The following KDM4B variants were observed in gnomAD, a reference collection of about 807,000 sequenced individuals.
KDM4B encodes lysine-specific demethylase 4B.
A neutral mutation model predicts 125.2 loss-of-function variants in KDM4B; 32 were observed. The observed-to-expected ratio is 0.26, with a 90% CI of 0.19 to 0.34. The LOEUF is 0.34. Ranked by LOEUF, KDM4B falls within the 10% of genes least tolerant of loss-of-function variation. The probability of loss-of-function intolerance (pLI) is 1.00; values close to 1 mark genes in which losing one functional copy is unlikely to be tolerated. For missense variants in KDM4B, 1,190 were observed against 1,577.7 expected (o/e 0.75, Z 4.16); for synonymous variants, 721 against 677.9 (o/e 1.06, Z -0.99).
At chr19:5,037,030 G>T (rs576243183) in intron 3 of KDM4B, among the ~76,000 whole-genome samples, 5 of 152,256 alleles carry the variant, frequency 3.3e-5, no homozygotes, top group Non-Finnish European at 7.3e-5. Context: ...AGTGCCCGCC[G>T]TGGAAGGGAC....
chr19:4,971,255 T>C lies in KDM4B; in HGVS notation c.-109+2025T>C, dbSNP rs1267882727. On this transcript the variant is annotated intron_variant, in intron 1 of 22. Transcript: ENST00000159111. This position sits in a 1 kb window ranked among gnomAD's most constrained non-coding sequence, Gnocchi z 4.1. Reference sequence around the variant, plus strand: ...CGCACAGCACCCCGCCTGGCCTTTGTTGTACTTTTCTGTCTCGTGGAAGAG... The same window carrying C: ...CGCACAGCACCCCGCCTGGCCTTTGCTGTACTTTTCTGTCTCGTGGAAGAG... Among the ~76,000 whole-genome samples the C allele has an allele frequency of 6.6e-6, 1 of 152,148 alleles. No individual in the cohort carries two copies. The highest frequency in any genetic ancestry group is 1.5e-5 in the Non-Finnish European group (1 of 68,020).
chr19:5,108,688 A>G (rs969553920), intron 9 of KDM4B, among the ~76,000 whole-genome samples: 2 of 152,258 alleles, frequency 1.3e-5, no homozygotes, highest in African/African-American at 4.8e-5. Context: ...GGGTGGTGAC[A>G]GCAAGACAGG....
chr19:5,108,106 T>C (rs1010466), intron 9 of KDM4B, among the ~76,000 whole-genome samples: 61,220 of 152,150 alleles, frequency 0.4, 12,507 homozygotes, highest in East Asian at 0.64. Flanking sequence ...CTCCAGGCCG[T>C]GGCAGTGCAC....
intron 1 of KDM4B, among the ~76,000 whole-genome samples, chr19:4,969,459 C>T (rs2034167495): frequency 2.0e-5 from 3 of 148,298 alleles, no homozygotes; most frequent in African/African-American, 7.3e-5. Flanking sequence ...GGCGGCGGGG[C>T]CGGACAATGG....
At position 5,042,686 on chromosome 19, in the gene KDM4B, G is replaced by C. The variant is rs577878314; in HGVS notation, c.432+1435G>C. ...TTACACAGCAGGAGAGAGTGAGGGGGGGGGCGCCGTAGGCTTTTCAACAGC... is the reference window on the plus strand; with the variant it reads ...TTACACAGCAGGAGAGAGTGAGGGGCGGGGCGCCGTAGGCTTTTCAACAGC... On this transcript the variant is annotated intron_variant, in intron 5 of 22. Transcript: ENST00000159111. 5.9e-5 allele frequency among the ~76,000 whole-genome samples: 9 copies of C among 151,790 alleles called. 1 individual carries two copies. In the East Asian group the frequency reaches 9.9e-4, roughly 17 times the overall value.
At chr19:5,121,421 T>A (rs2039359012) in intron 11 of KDM4B, among the ~76,000 whole-genome samples, 1 of 152,166 alleles carries the variant, frequency 6.6e-6, no homozygotes, top group Non-Finnish European at 1.5e-5. Flanking sequence ...TGTTATTATG[T>A]AGCGACAATT....
At chr19:5,047,706 G>T in intron 6 of KDM4B, 37 bp downstream of exon 6, 4 of 1,597,906 alleles carry the variant, frequency 2.5e-6, no homozygotes, top group Non-Finnish European at 3.4e-6. Context: ...CGGCCGGACC[G>T]AGAGCCCCTC....
intron 2 of KDM4B, among the ~76,000 whole-genome samples, chr19:5,019,104 GTGT>G (rs895569742): frequency 5.5e-5 from 8 of 145,812 alleles, no homozygotes; most frequent in Admixed American, 6.8e-5. Context: ...TGGTGTGCAG[GTGT>G]TGGTGTGGGT....
At chr19:5,001,853 T>C (rs2035396894) in intron 1 of KDM4B, among the ~76,000 whole-genome samples, 1 of 152,216 alleles carries the variant, frequency 6.6e-6, no homozygotes, top group Non-Finnish European at 1.5e-5. Flanking sequence ...ATTAAAGCTG[T>C]TTTTGTATCT....
intron 6 of KDM4B, among the ~76,000 whole-genome samples, chr19:5,063,959 C>A (rs999899490): frequency 1.3e-5 from 2 of 152,196 alleles, no homozygotes; most frequent in African/African-American, 4.8e-5. Flanking sequence ...GGATGTGGGG[C>A]TGAGACAGCA....
At chr19:4,977,757 C>T (rs2034498563) in intron 1 of KDM4B, among the ~76,000 whole-genome samples, 1 of 152,158 alleles carries the variant, frequency 6.6e-6, no homozygotes, top group East Asian at 1.9e-4. Context: ...GCTGTGCCCT[C>T]AGCCGGGACT....
In KDM4B at chr19:5,077,390, G is replaced by C; in HGVS notation, c.700G>C (p.Gly234Arg). The C allele has an allele frequency of 1.2e-6, 2 of 1,613,150 alleles. No homozygotes were observed. Among genetic ancestry groups the C allele is most frequent in the Non-Finnish European group, 1.7e-6 (2 of 1,179,984 alleles). Residue 234 changes from glycine to arginine, a missense_variant, in exon 8 of 23, where the codon GGC becomes CGC. Coordinates refer to ENST00000159111, the MANE Select transcript of KDM4B (RefSeq NM_015015.3). The stretch of plus-strand genomic sequence containing the variant: ...AGGCTTCTTCCCCGGGAGCTCGCAG[G>C]GCTGCGACGCCTTCCTGCGGCATAA... The part of the protein sequence containing the change: ...AIGFFPGSSQ[G>R]CDAFLRHKMT...
chr19:5,151,220 C>T, intron 22 of KDM4B, 115 bp from the exon 23 acceptor site: 4 of 919,914 alleles, frequency 4.3e-6, no homozygotes, highest in Non-Finnish European at 5.9e-6. Context: ...TGAGCAGCCC[C>T]CACAGCAATC....
intron 1 of KDM4B, among the ~76,000 whole-genome samples, chr19:4,996,287 A>T (rs2035198665): frequency 6.6e-6 from 1 of 151,984 alleles, no homozygotes; most frequent in Admixed American, 6.6e-5. Flanking sequence ...ACTGCACCGA[A>T]CTACTTTTTT....
At chr19:5,013,516 T>C (rs909540712) in intron 1 of KDM4B, among the ~76,000 whole-genome samples, 28 of 152,312 alleles carry the variant, frequency 1.8e-4, no homozygotes, top group African/African-American at 6.5e-4. Flanking sequence ...AAAATCATGA[T>C]GTGGGCAGGG....
At chr19:5,040,191 G>A (rs563205047) in intron 4 of KDM4B, among the ~76,000 whole-genome samples, 180 bp downstream of exon 4, 4 of 152,220 alleles carry the variant, frequency 2.6e-5, no homozygotes, top group African/African-American at 7.2e-5. Context: ...ACCCTCTCCC[G>A]GCCTGGGCTG....
chr19:5,071,030 A>G lies in KDM4B; in HGVS notation c.647A>G (p.His216Arg). 1 of 1,613,374 alleles carries G rather than the reference A, an allele frequency of 6.2e-7. No individual in the cohort carries two copies. The highest frequency in any genetic ancestry group is 8.5e-7 in the Non-Finnish European group (1 of 1,179,932). The change falls in exon 7 of 23, where the codon CAC (histidine) becomes CGC (arginine). Residue 216 changes from histidine to arginine, a missense_variant. This residue lies in a region of KDM4B where 75 missense variants were observed against 218.2 expected (regional missense o/e 0.34). Transcript: ENST00000159111. Reference protein sequence around the residue: ...PKSWYAIPPEHGKRLERLAIG... With the variant: ...PKSWYAIPPERGKRLERLAIG... ...CGCAGGTACGCCATCCCACCAGAGC[A>G]CGGCAAGCGCCTGGAGCGGCTGGCC...
chr19:5,119,625 C>G, intron 10 of KDM4B, 28 bp from the exon 11 acceptor site: 1 of 1,548,270 alleles, frequency 6.5e-7, no homozygotes, highest in Non-Finnish European at 8.7e-7. Context: ...CTGGTCTCCC[C>G]TCCTGCCTGA....
At chr19:4,977,923 G>A (rs2034504206) in intron 1 of KDM4B, among the ~76,000 whole-genome samples, 3 of 152,184 alleles carry the variant, frequency 2.0e-5, no homozygotes, top group Admixed American at 1.3e-4. Flanking sequence ...CTGCTGGACC[G>A]GGACAGTCGC....
Sources: gnomAD v4.1 joint callset for allele counts (sites outside exome capture counted in the v4.1 genomes callset) on GRCh38, gnomAD v4.1.1 for gene constraint, gnomAD v4.1.1 regional missense constraint, Gnocchi (gnomAD v3.1) non-coding constraint, MANE v1.5 for transcripts, NCBI Gene and HGNC (gene_info 2026-07-23, HGNC 2026-07-21) for gene names.